Variants in HCRTR2 observed in about 807,000 individuals in gnomAD.
The protein encoded by HCRTR2 is orexin receptor type 2.
In HCRTR2, 22 loss-of-function variants were observed where a neutral mutation model predicts 49.0. That is an observed-to-expected ratio of 0.45 (90% CI 0.32 to 0.64). The LOEUF is 0.64. HCRTR2 is among the 30% of genes least tolerant of loss of function. The pLI, the probability that HCRTR2 is intolerant of heterozygous loss-of-function variation, is 0.04. For missense variants in HCRTR2, 491 were observed against 559.4 expected (o/e 0.88, Z 1.23); for synonymous variants, 236 against 205.3 (o/e 1.15, Z -1.28).
chr6:55,148,237 CG>C (rs1044578623), intron 1 of HCRTR2, among the ~76,000 whole-genome samples: 2 of 151,532 alleles, frequency 1.3e-5, no homozygotes, highest in African/African-American at 2.4e-5. Flanking sequence ...GTGAAATGAT[CG>C]TGTGTGTGTG....
At chr6:55,222,343 A>G (rs888202559) in intron 1 of HCRTR2, among the ~76,000 whole-genome samples, 2 of 151,968 alleles carry the variant, frequency 1.3e-5, no homozygotes, top group African/African-American at 4.8e-5. Context: ...TGGAGAAACT[A>G]GAACCTTTGT....
At chr6:55,218,729 T>C (rs894959635) in intron 1 of HCRTR2, among the ~76,000 whole-genome samples, 1 of 152,216 alleles carries the variant, frequency 6.6e-6, no homozygotes, top group Non-Finnish European at 1.5e-5. Flanking sequence ...TAAACATATA[T>C]GTATTCAATC....
intron 1 of HCRTR2, among the ~76,000 whole-genome samples, chr6:55,115,973 A>C (rs551931633): frequency 6.3e-4 from 95 of 151,900 alleles, no homozygotes; most frequent in African/African-American, 2.2e-3. Flanking sequence ...TAGAGCTTCA[A>C]AATGTCTCAG....
At chr6:55,116,895 A>G (rs566124478) in intron 1 of HCRTR2, among the ~76,000 whole-genome samples, 85 of 151,852 alleles carry the variant, frequency 5.6e-4, no homozygotes, top group African/African-American at 2.0e-3. Context: ...GGCCACAGGC[A>G]GCAGATTTCC....
At chr6:55,137,301 G>A (rs1764446681) in intron 1 of HCRTR2, among the ~76,000 whole-genome samples, 1 of 152,114 alleles carries the variant, frequency 6.6e-6, no homozygotes. Flanking sequence ...AGCCTGAAAG[G>A]CAGCCAGCTA....
At chr6:55,168,959 T>C (rs9396056) in intron 1 of HCRTR2, among the ~76,000 whole-genome samples, 98,111 of 151,524 alleles carry the variant, frequency 0.65, 32,151 homozygotes, top group East Asian at 0.84. Flanking sequence ...ACTCCCTCTC[T>C]CACTTCCCAC....
chr6:55,137,182 G>A (rs1321772825), intron 1 of HCRTR2, among the ~76,000 whole-genome samples: 1 of 152,134 alleles, frequency 6.6e-6, no homozygotes, highest in South Asian at 2.1e-4. Context: ...AGGGCTTTCT[G>A]CAATTAATTT....
At chr6:55,240,285 G>A (rs1417633425) in intron 1 of HCRTR2, among the ~76,000 whole-genome samples, 1 of 147,312 alleles carries the variant, frequency 6.8e-6, no homozygotes, top group African/African-American at 2.5e-5. Flanking sequence ...GTGAACCCGG[G>A]AGGCGGAGCT....
intron 1 of HCRTR2, among the ~76,000 whole-genome samples, chr6:55,165,743 GAATATATATA>G (rs1476648472): frequency 0.062 from 5,550 of 90,024 alleles, 257 homozygotes; most frequent in Non-Finnish European, 0.077. Flanking sequence ...TTAGTATACA[GAATATATATA>G]TATATATATA....
At chr6:55,207,585 A>G (rs1765623135) in intron 1 of HCRTR2, among the ~76,000 whole-genome samples, 1 of 152,186 alleles carries the variant, frequency 6.6e-6, no homozygotes, top group Non-Finnish European at 1.5e-5. Context: ...GGGTAGGAAC[A>G]ATGGGGAGAA....
chr6:55,191,032 C>T (rs1157463440), intron 1 of HCRTR2, among the ~76,000 whole-genome samples: 2 of 152,054 alleles, frequency 1.3e-5, no homozygotes, highest in Non-Finnish European at 2.9e-5. Flanking sequence ...GATTAAAACA[C>T]CTCCCTTGAA....
chr6:55,197,118 A>G (rs766911146), intron 1 of HCRTR2, among the ~76,000 whole-genome samples: 18 of 152,182 alleles, frequency 1.2e-4, no homozygotes, highest in Non-Finnish European at 2.2e-4. Flanking sequence ...ATTTAACTCT[A>G]AACGTAATCC....
Position 55,277,440 on chromosome 6 carries a change from C to T in HCRTR2, c.823C>T (p.Pro275Ser), listed in dbSNP as rs1264350884. 1 of 1,614,120 alleles carries T rather than the reference C, an allele frequency of 6.2e-7. No individual in the cohort carries two copies. Among genetic ancestry groups the T allele is most frequent in the Non-Finnish European group, 8.5e-7 (1 of 1,179,996 alleles). Residue 275 changes from proline (P) to serine (S), a missense_variant, in exon 5 of 7, where the codon CCT becomes TCT. Coordinates refer to ENST00000370862, the MANE Select transcript of HCRTR2 (RefSeq NM_001384272.1). ...KWKPLQPVSQ[P>S]RGPGQPTKSR... is the part of the protein sequence containing the mutation. The stretch of plus-strand genomic sequence containing the variant: ...GAAGCCCCTGCAGCCTGTTTCACAG[C>T]CTCGAGGGCCAGGACAGCCAACGAA...
chr6:55,165,343 C>T (rs1385222376), intron 1 of HCRTR2, among the ~76,000 whole-genome samples: 1 of 151,918 alleles, frequency 6.6e-6, no homozygotes, highest in East Asian at 1.9e-4. Context: ...AGAAGACTAC[C>T]TCAAGACATT....
chr6:55,123,415 T>C (rs1031524496), intron 1 of HCRTR2, among the ~76,000 whole-genome samples: 3 of 152,188 alleles, frequency 2.0e-5, no homozygotes, highest in African/African-American at 7.2e-5. Flanking sequence ...TCTGTTTATG[T>C]GATGGTTTGC....
intron 1 of HCRTR2, among the ~76,000 whole-genome samples, chr6:55,147,788 T>C (rs1234527198): frequency 2.6e-5 from 4 of 152,204 alleles, no homozygotes; most frequent in Non-Finnish European, 1.5e-5. Flanking sequence ...TTACATGACT[T>C]TGTATAGGCT....
chr6:55,215,364 A>G (rs1364171937), intron 1 of HCRTR2, among the ~76,000 whole-genome samples: 1 of 152,226 alleles, frequency 6.6e-6, no homozygotes, highest in Non-Finnish European at 1.5e-5. Context: ...AATAAAGGAT[A>G]TTCCAGATAA....
At chr6:55,165,678 A>G (rs2127264668) in intron 1 of HCRTR2, among the ~76,000 whole-genome samples, 1 of 144,066 alleles carries the variant, frequency 6.9e-6, no homozygotes, top group African/African-American at 2.5e-5. Flanking sequence ...AGAGTATGAA[A>G]AGAAAACCTA....
intron 1 of HCRTR2, among the ~76,000 whole-genome samples, chr6:55,190,577 G>A (rs1211297955): frequency 6.6e-6 from 1 of 152,176 alleles, no homozygotes; most frequent in Non-Finnish European, 1.5e-5. Context: ...TATCTTTTGT[G>A]TCTGTACCTT....
Sources: allele counts gnomAD v4.1 joint callset (sites outside exome capture counted in the v4.1 genomes callset), GRCh38; gene constraint gnomAD v4.1.1; transcripts MANE v1.5; gene names NCBI Gene and HGNC (gene_info 2026-07-23, HGNC 2026-07-21).